Variants in KHNYN observed in about 807,000 individuals in gnomAD.
KHNYN encodes the protein KH and NYN domain containing.
Under a neutral mutation model 62.7 loss-of-function variants are expected in KHNYN, and 42 were observed. The observed-to-expected ratio is 0.67, with a 90% confidence interval of 0.52 to 0.87. KHNYN has a LOEUF of 0.87. Ranked by LOEUF, KHNYN falls within the 40% of genes least tolerant of loss-of-function variation. KHNYN has a pLI of 0.00. For missense variants in KHNYN, 829 were observed against 874.1 expected (o/e 0.95, Z 0.65); for synonymous variants, 347 against 345.6 (o/e 1.00, Z -0.04).
rs1223090827 is a variant in KHNYN, at chr14:24,438,007, C to G, written c.*722C>G. 1 of 152,642 alleles carries G rather than the reference C, an allele frequency of 6.6e-6. No homozygotes were observed. Among genetic ancestry groups the G allele is most frequent in the East Asian group, 1.9e-4 (1 of 5,198 alleles). 9.5% of individuals were successfully genotyped at this position (152,642 alleles called of 1,614,324 possible). Reference sequence around the variant, plus strand: ...TGCACAGGCTCTCTAACCGAAACCTCACTTTCAGAGAGATGTGGGTCCTTT... The same window carrying G: ...TGCACAGGCTCTCTAACCGAAACCTGACTTTCAGAGAGATGTGGGTCCTTT... On this transcript the variant is annotated 3_prime_UTR_variant, in exon 8 of 8. Transcript: ENST00000553935.
chr14:24,426,002 T>C (rs141407188), upstream of KHNYN, among the ~76,000 whole-genome samples: 2 of 152,346 alleles, frequency 1.3e-5, no homozygotes, highest in African/African-American at 2.4e-5. Context: ...ATGCCTACTA[T>C]ATTTATGTTC....
upstream of KHNYN, chr14:24,429,125 G>T (rs1223974245): frequency 1.4e-6 from 2 of 1,429,034 alleles, no homozygotes; most frequent in Admixed American, 2.8e-5. Flanking sequence ...CCTCTCCCTG[G>T]ATTCTCACCG....
chr14:24,428,893 A>G, upstream of KHNYN: 1 of 1,587,724 alleles, frequency 6.3e-7, no homozygotes, highest in South Asian at 1.1e-5. Flanking sequence ...CCCCTGCAGC[A>G]GCTCGGCCAG....
Position 24,430,730 on chromosome 14 carries a change from C to T in KHNYN, c.-1C>T, listed in dbSNP as rs750032541. The stretch of plus-strand genomic sequence containing the variant: ...CCCTTCCAGGGCTGGGGGCAGCAGC[C>T]ATGCCTACCTGGGGGGCCCGCCCCG... On this transcript the variant is annotated 5_prime_UTR_variant, in exon 2 of 8. Transcript: ENST00000553935. 1 of 1,559,704 alleles carries T rather than the reference C, an allele frequency of 6.4e-7. No homozygotes were observed. The highest frequency in any genetic ancestry group is 1.9e-5 in the Admixed American group (1 of 51,768).
chr14:24,425,194 C>G (rs1323749355), upstream of KHNYN, among the ~76,000 whole-genome samples: 1 of 152,156 alleles, frequency 6.6e-6, no homozygotes, highest in Non-Finnish European at 1.5e-5. Flanking sequence ...GAGCATGACT[C>G]TGCCTCAAAA....
At chr14:24,424,176 G>A in the KHNYN span, among the ~76,000 whole-genome samples, 1 of 152,188 alleles carries the variant, frequency 6.6e-6, no homozygotes, top group African/African-American at 2.4e-5. Flanking sequence ...TGGTAGACCT[G>A]AGAGACATTA....
rs774021849 is a variant in KHNYN at position 24,432,875 on chromosome 14, T to A, written c.1480+23T>A. The A allele has an allele frequency of 1.2e-6, 2 of 1,614,204 alleles. No individual in the cohort carries two copies. Among genetic ancestry groups the A allele is most frequent in the Non-Finnish European group, 1.7e-6 (2 of 1,180,020 alleles). On this transcript the variant is annotated intron_variant, in intron 4 of 7. Coordinates refer to ENST00000553935, the MANE Select transcript of KHNYN (RefSeq NM_015299.3). This position sits in a 1 kb window ranked among gnomAD's most constrained non-coding sequence, Gnocchi z 5.6. ...GAGGTGAGTTGGGCCTGGTCTTCAG[T>A]GTCCCAGGATAGGCTCTGTTTCCAC...
chr14:24,440,302 G>T lies in KHNYN; in HGVS notation c.*3017G>T, dbSNP rs776207960. 3 of 1,613,900 alleles carry T rather than the reference G, an allele frequency of 1.9e-6. No homozygotes were observed. In the Admixed American group the frequency reaches 5.0e-5, roughly 27 times the overall value. ...GGGCAAACTCAGCATTAGTGGCGGAGGATGGAGCCACTCCATTCAGGACCC... is the reference window on the plus strand; with the variant it reads ...GGGCAAACTCAGCATTAGTGGCGGATGATGGAGCCACTCCATTCAGGACCC... On this transcript the variant is annotated 3_prime_UTR_variant, in exon 8 of 8. Transcript: ENST00000553935.
Position 24,441,630 on chromosome 14 carries a change from G to A in KHNYN, c.*4345G>A, listed in dbSNP as rs781238250. The A allele has an allele frequency of 3.3e-6, 5 of 1,523,394 alleles. No individual in the cohort carries two copies. In the African/African-American group the frequency reaches 5.6e-5, roughly 17 times the overall value. The allele number at this position is 1,523,394 out of a possible 1,614,324, so 94.4% of individuals were successfully genotyped here. ...TAGCTACAGAGGTCTGAGTTACCCC[G>A]TTCCCCTGGCGAATATAAGGGGCTG... On this transcript the variant is annotated 3_prime_UTR_variant, in exon 8 of 8. Coordinates refer to ENST00000553935, the MANE Select transcript of KHNYN (RefSeq NM_015299.3).
At chr14:24,429,080 G>A (rs1166885676), upstream of KHNYN, 6 of 1,468,426 alleles carry the variant, frequency 4.1e-6, no homozygotes, top group Non-Finnish European at 5.4e-6. Flanking sequence ...CAACCCACAA[G>A]TGCCCCGGTC....
intron 5 of KHNYN, among the ~76,000 whole-genome samples, chr14:24,434,865 G>C (rs1168286203): frequency 1.3e-5 from 2 of 152,134 alleles, no homozygotes; most frequent in Non-Finnish European, 2.9e-5. Flanking sequence ...AGGAGGAGGT[G>C]GGAACACTGG....
the KHNYN span, among the ~76,000 whole-genome samples, chr14:24,423,230 G>C: frequency 6.6e-6 from 1 of 152,204 alleles, no homozygotes; most frequent in Admixed American, 6.5e-5. Context: ...AATAGATAGA[G>C]CTGAGGATAA....
In KHNYN at chr14:24,439,925, T is replaced by G; in HGVS notation, c.*2640T>G. ...TCCCAACCTGATGAGATTACGGCCT[T>G]GAGACAATAAGGTGGAGCAACAGAA... On this transcript the variant is annotated 3_prime_UTR_variant, in exon 8 of 8. Transcript: ENST00000553935. 3 of 623,314 alleles carry G rather than the reference T, an allele frequency of 4.8e-6. No homozygotes were observed. The highest frequency in any genetic ancestry group is 8.2e-6 in the Non-Finnish European group (3 of 367,038). 38.6% of individuals were successfully genotyped at this position (623,314 alleles called of 1,614,324 possible). A position where few individuals can be genotyped will look rare whatever the true frequency, so the allele number is the denominator to read the frequency against.
intron 2 of KHNYN, 110 bp downstream of exon 2, chr14:24,431,041 T>C: frequency 1.9e-6 from 2 of 1,036,696 alleles, no homozygotes; most frequent in Non-Finnish European, 2.8e-6. Context: ...GGGGAGGATC[T>C]CCACTTCTTG....
chr14:24,425,134 G>T (rs1036219111), upstream of KHNYN, among the ~76,000 whole-genome samples: 1 of 152,182 alleles, frequency 6.6e-6, no homozygotes, highest in Non-Finnish European at 1.5e-5. Context: ...CCAGGAGGTG[G>T]AGGTTGCAGT....
intron 6 of KHNYN, 72 bp downstream of exon 6, chr14:24,436,251 A>T (rs2043202635): frequency 1.4e-6 from 2 of 1,478,600 alleles, no homozygotes; most frequent in Non-Finnish European, 1.9e-6. Flanking sequence ...TGCTCTGGCC[A>T]TGGGGTGAAA....
chr14:24,425,751 T>C (rs1052113029), upstream of KHNYN, among the ~76,000 whole-genome samples: 4 of 152,388 alleles, frequency 2.6e-5, no homozygotes, highest in African/African-American at 7.2e-5. Context: ...TTCTAGGAGA[T>C]GAACGATCAA....
chr14:24,433,074 G>A (rs549256888), intron 5 of KHNYN, 42 bp downstream of exon 5: 3 of 1,551,462 alleles, frequency 1.9e-6, no homozygotes, highest in African/African-American at 2.7e-5. Flanking sequence ...TATTGAAGGA[G>A]CCCTATGGAA....
In KHNYN at chr14:24,430,060, G is replaced by A; in HGVS notation, c.-77G>A. On this transcript the variant is annotated 5_prime_UTR_variant, in exon 1 of 8. Coordinates refer to ENST00000553935, the MANE Select transcript of KHNYN (RefSeq NM_015299.3). ...CTTGTCCCCTGGGCTGGGGGCGCGG[G>A]CAAAGCGGGGGCCTGGCGGGCGCTG... is the stretch of plus-strand genomic sequence containing the variant. The A allele has an allele frequency of 4.1e-6, 4 of 985,370 alleles. No individual in the cohort carries two copies. Among genetic ancestry groups the A allele is most frequent in the Non-Finnish European group, 4.8e-6 (4 of 829,940 alleles). 61.0% of individuals were successfully genotyped at this position (985,370 alleles called of 1,614,324 possible). A position where few individuals can be genotyped will look rare whatever the true frequency, so the allele number is the denominator to read the frequency against.
Sources: allele counts gnomAD v4.1 joint callset (sites outside exome capture counted in the v4.1 genomes callset), GRCh38; gene constraint gnomAD v4.1.1; non-coding constraint Gnocchi (gnomAD v3.1); transcripts MANE v1.5; gene names NCBI Gene and HGNC (gene_info 2026-07-23, HGNC 2026-07-21).